Variants in VRK2 observed in about 807,000 individuals in gnomAD.
VRK2 encodes the protein serine/threonine-protein kinase VRK2.
In VRK2, 60 loss-of-function variants were observed where a neutral mutation model predicts 57.6. That is an observed-to-expected ratio of 1.04 (90% CI 0.85 to 1.29). The LOEUF is 1.29. Among genes scored for constraint, VRK2 ranks in the 50% most tolerant of loss-of-function variants. The pLI is 0.00. For synonymous variants in VRK2, 231 were observed against 199.2 expected, an observed-to-expected ratio of 1.16 and a Z score of -1.35; for missense variants, 705 against 588.1, an observed-to-expected ratio of 1.20 and a Z score of -2.06.
intron 7 of VRK2, among the ~76,000 whole-genome samples, chr2:58,115,807 T>C (rs1573195453): frequency 6.6e-6 from 1 of 152,190 alleles, no homozygotes; most frequent in South Asian, 2.1e-4. Flanking sequence ...ACAGCCCAGG[T>C]AATTTGCTGA....
chr2:58,135,032 A>T, intron 9 of VRK2, 109 bp from the exon 10 acceptor site: 1 of 1,174,498 alleles, frequency 8.5e-7, no homozygotes, highest in Non-Finnish European at 1.2e-6. Flanking sequence ...AAAAGCATTG[A>T]AAGTCACAAT....
Position 58,031,993 on chromosome 2 carries a change from A to T in VRK2, c.-332-1234A>T, listed in dbSNP as rs1430266151. Among the ~76,000 whole-genome samples the T allele has an allele frequency of 2.0e-5, 3 of 152,090 alleles. No individual in the cohort carries two copies. In the East Asian group the frequency reaches 5.8e-4, roughly 29 times the overall value. On this transcript the variant is annotated intron_variant, in intron 2 of 15. Transcript: ENST00000417641. ...CTTTCACCCTACACAACTTCAAATCATCTCTCTGGTTGATCTGTCTTCTCT... is the reference window on the plus strand; with the variant it reads ...CTTTCACCCTACACAACTTCAAATCTTCTCTCTGGTTGATCTGTCTTCTCT...
At chr2:57,974,016 G>A (rs978952632) in intron 1 of VRK2, among the ~76,000 whole-genome samples, 5 of 151,810 alleles carry the variant, frequency 3.3e-5, no homozygotes, top group Non-Finnish European at 7.4e-5. Flanking sequence ...AAGGTGAGGA[G>A]GTAGACATGT....
chr2:58,088,279 A>C, intron 5 of VRK2, 62 bp from the exon 6 acceptor site: 1 of 1,203,722 alleles, frequency 8.3e-7, no homozygotes, highest in Non-Finnish European at 1.2e-6. Context: ...TTTCAAATTA[A>C]ATAGACAGTT....
At chr2:58,089,822 C>T (rs1311692552) in intron 7 of VRK2, 99 bp downstream of exon 7, 6 of 759,402 alleles carry the variant, frequency 7.9e-6, no homozygotes, top group Non-Finnish European at 1.3e-5. Flanking sequence ...CAAATGAGGG[C>T]GTAACATGAT....
At chr2:57,964,261 A>C (rs867450258) in intron 1 of VRK2, among the ~76,000 whole-genome samples, 6 of 152,248 alleles carry the variant, frequency 3.9e-5, no homozygotes, top group African/African-American at 4.8e-5. Context: ...TCTTATAATA[A>C]AGTAAGCTAG....
intron 3 of VRK2, among the ~76,000 whole-genome samples, chr2:58,038,905 C>T (rs920575872): frequency 6.6e-6 from 1 of 152,076 alleles, no homozygotes; most frequent in African/African-American, 2.4e-5. Flanking sequence ...CAACATTCTG[C>T]TTTCATGATA....
chr2:58,096,634 A>G (rs1214328734), intron 7 of VRK2, among the ~76,000 whole-genome samples: 2 of 151,912 alleles, frequency 1.3e-5, no homozygotes, highest in Admixed American at 6.6e-5. Flanking sequence ...GGTGGCCAGT[A>G]GTAGTCCCTT....
intron 12 of VRK2, among the ~76,000 whole-genome samples, chr2:58,149,865 G>A (rs1284340860): frequency 2.6e-5 from 4 of 151,410 alleles, no homozygotes; most frequent in Non-Finnish European, 5.9e-5. Flanking sequence ...CCTCCAGTTA[G>A]GCATGATGTG....
Position 58,100,335 on chromosome 2 carries a change from A to G in VRK2, c.543+10612A>G, listed in dbSNP as rs182176796. Among the ~76,000 whole-genome samples the G allele has an allele frequency of 5.5e-3, 840 of 152,120 alleles. 3 individuals carry two copies. The highest frequency in any genetic ancestry group is 0.019 in the African/African-American group (798 of 41,544). On this transcript the variant is annotated intron_variant, in intron 7 of 12. Coordinates refer to ENST00000340157, the MANE Select transcript of VRK2 (RefSeq NM_006296.7). ...AAAATTTAGTTTTAATCACTTCTAT[A>G]TATAAACAATATAAAATTTACTTAC...
intron 2 of VRK2, among the ~76,000 whole-genome samples, chr2:58,028,865 C>A (rs1324367823): frequency 7.3e-6 from 1 of 136,314 alleles, no homozygotes; most frequent in African/African-American, 2.8e-5. Flanking sequence ...TGCACATGTA[C>A]CCTAGAACTT....
At chr2:58,146,050 C>G (rs142329825) in intron 11 of VRK2, among the ~76,000 whole-genome samples, 10 of 152,114 alleles carry the variant, frequency 6.6e-5, no homozygotes, top group African/African-American at 2.4e-4. Flanking sequence ...GGTTCCAAGT[C>G]TTTGCTATTG....
intron 7 of VRK2, among the ~76,000 whole-genome samples, chr2:58,110,099 T>C (rs1675338035): frequency 6.6e-6 from 1 of 152,146 alleles, no homozygotes; most frequent in Non-Finnish European, 1.5e-5. Flanking sequence ...TCTGGCCAGG[T>C]GAAATATGAA....
intron 7 of VRK2, among the ~76,000 whole-genome samples, chr2:58,110,235 G>C (rs1035725974): frequency 9.9e-5 from 15 of 152,116 alleles, no homozygotes; most frequent in Admixed American, 9.2e-4. Context: ...TGACCCCTCT[G>C]TCATAAATTG....
intron 11 of VRK2, among the ~76,000 whole-genome samples, chr2:58,144,779 T>A (rs1365403968): frequency 6.6e-6 from 1 of 152,016 alleles, no homozygotes; most frequent in African/African-American, 2.4e-5. Flanking sequence ...CCTGCATGAT[T>A]AAGAAACATT....
In VRK2 at chr2:58,089,676, G is replaced by A; in HGVS notation, c.496G>A (p.Asp166Asn). The A allele has an allele frequency of 6.2e-7, 1 of 1,608,572 alleles. No homozygotes were observed. Among genetic ancestry groups the A allele is most frequent in the South Asian group, 1.1e-5 (1 of 90,472 alleles). The change falls in exon 7 of 13, where the codon GAT becomes AAT. Residue 166 changes from aspartate to asparagine, a missense_variant. Asp to Asn is a conservative substitution (Grantham distance 23). Transcript: ENST00000340157. ...ACATGAAAATGAATATGTTCATGGT[G>A]ATATAAAAGCAGCAAATCTACTTTT... Reference protein sequence around the residue: ...YIHENEYVHGDIKAANLLLGY... With the variant: ...YIHENEYVHGNIKAANLLLGY...
At chr2:58,002,457 A>T (rs1402954772) in intron 1 of VRK2, among the ~76,000 whole-genome samples, 1 of 152,192 alleles carries the variant, frequency 6.6e-6, no homozygotes, top group Non-Finnish European at 1.5e-5. Flanking sequence ...CTTGGGCAAC[A>T]AGAGCGAAAT....
At chr2:58,134,316 C>A (rs1400564923) in intron 9 of VRK2, among the ~76,000 whole-genome samples, 1 of 152,194 alleles carries the variant, frequency 6.6e-6, no homozygotes, top group Non-Finnish European at 1.5e-5. Context: ...ATGCTACATA[C>A]ATCAAGAATA....
intron 7 of VRK2, among the ~76,000 whole-genome samples, chr2:58,100,055 G>A (rs984257645): frequency 6.6e-6 from 1 of 152,022 alleles, no homozygotes; most frequent in Non-Finnish European, 1.5e-5. Flanking sequence ...CTGGAAGAAG[G>A]AGTTGTAATA....
Sources: allele counts gnomAD v4.1 joint callset (sites outside exome capture counted in the v4.1 genomes callset), GRCh38; gene constraint gnomAD v4.1.1; transcripts MANE v1.5; gene names NCBI Gene and HGNC (gene_info 2026-07-23, HGNC 2026-07-21).